Variants in TLK1 observed in about 807,000 individuals in gnomAD.
TLK1 encodes the protein tousled like kinase 1.
TLK1 carries 24 observed loss-of-function variants against 105.3 expected under a neutral mutation model. The ratio of observed to expected loss-of-function variants is 0.23; its 90% CI spans 0.17 to 0.32. The LOEUF is 0.32. TLK1 is among the 10% of genes least tolerant of loss of function. The probability of loss-of-function intolerance (pLI) is 1.00; values close to 1 mark genes in which losing one functional copy is unlikely to be tolerated. For missense variants in TLK1, 558 were observed against 910.5 expected, an observed-to-expected ratio of 0.61 and a Z score of 4.98; for synonymous variants, 321 against 310.4, an observed-to-expected ratio of 1.03 and a Z score of -0.36.
rs141926695 is a variant in TLK1 at position 171,058,166 on chromosome 2, A to T, written c.438T>A (p.Ile146=). ...ATGAACTTACTTCAAAATAGTCGCTAATTTTGTGGCCACGTCCCCCAATAC... is the reference window on the plus strand; with the variant it reads ...ATGAACTTACTTCAAAATAGTCGCTTATTTTGTGGCCACGTCCCCCAATAC... ...GKSIGGRGHK[I]SDYFEYQGGN... The change falls in exon 5 of 21, where the codon ATT becomes ATA. Residue 146 remains isoleucine (I), a synonymous_variant. Coordinates refer to ENST00000431350, the MANE Select transcript of TLK1 (RefSeq NM_012290.5). The T allele has an allele frequency of 6.2e-7, 1 of 1,613,472 alleles. No homozygotes were observed. Among genetic ancestry groups the T allele is most frequent in the African/African-American group, 1.3e-5 (1 of 74,890 alleles).
intron 1 of TLK1, among the ~76,000 whole-genome samples, chr2:171,202,306 G>C (rs1441276378): frequency 6.6e-6 from 1 of 152,030 alleles, no homozygotes; most frequent in Non-Finnish European, 1.5e-5. Context: ...TACAAAATTA[G>C]CCGGACGTGG....
chr2:171,209,424 TGTAA>T (rs1693568683), intron 1 of TLK1, among the ~76,000 whole-genome samples: 1 of 152,216 alleles, frequency 6.6e-6, no homozygotes. Flanking sequence ...AAATTTATAT[TGTAA>T]GTGTTTAAAT....
intron 1 of TLK1, among the ~76,000 whole-genome samples, chr2:171,136,826 G>A (rs576226429): frequency 3.9e-5 from 6 of 152,242 alleles, no homozygotes; most frequent in South Asian, 2.1e-4. Context: ...ATACAAGGAC[G>A]GGCAGCAGTG....
intron 12 of TLK1, among the ~76,000 whole-genome samples, chr2:171,026,664 T>C (rs1182897991): frequency 6.6e-6 from 1 of 152,082 alleles, no homozygotes; most frequent in African/African-American, 2.4e-5. Context: ...GGTTAGAAAA[T>C]AACTGGTAAA....
At chr2:171,163,035 G>A (rs1235815097), upstream of TLK1, among the ~76,000 whole-genome samples, 7 of 152,102 alleles carry the variant, frequency 4.6e-5, no homozygotes, top group African/African-American at 1.7e-4. Flanking sequence ...CAGGTGATCC[G>A]CCCACCTTGG....
intron 20 of TLK1, chr2:170,994,608 G>A (rs1325076117): frequency 8.2e-6 from 4 of 485,026 alleles, no homozygotes; most frequent in African/African-American, 2.0e-5. Context: ...TAAGTGCATA[G>A]CACAAAGTAA....
chr2:171,112,258 G>A (rs1429571689), intron 2 of TLK1, among the ~76,000 whole-genome samples: 2 of 152,034 alleles, frequency 1.3e-5, no homozygotes, highest in Non-Finnish European at 2.9e-5. Flanking sequence ...CCTGATAAAT[G>A]TTTTTTAAAT....
At chr2:171,187,317 C>T (rs927131465) in intron 1 of TLK1, among the ~76,000 whole-genome samples, 3 of 152,120 alleles carry the variant, frequency 2.0e-5, no homozygotes, top group African/African-American at 7.2e-5. Flanking sequence ...CGCTGGAATA[C>T]GTACACCTGA....
upstream of TLK1, chr2:171,161,004 G>A (rs965874669): frequency 2.9e-5 from 5 of 174,952 alleles, no homozygotes; most frequent in African/African-American, 1.2e-4. Context: ...GCGGCCGCGG[G>A]AGCAGGCTTG....
chr2:171,183,172 A>G (rs1444392072), intron 1 of TLK1, among the ~76,000 whole-genome samples: 2 of 152,206 alleles, frequency 1.3e-5, no homozygotes, highest in African/African-American at 4.8e-5. Flanking sequence ...TAATATATGT[A>G]CATTAATGAC....
intron 1 of TLK1, among the ~76,000 whole-genome samples, chr2:171,157,973 G>C (rs772785208): frequency 3.3e-5 from 5 of 152,092 alleles, no homozygotes; most frequent in Non-Finnish European, 7.4e-5. Flanking sequence ...GTAACTAGCA[G>C]TTAAAAAGCT....
intron 1 of TLK1, among the ~76,000 whole-genome samples, chr2:171,179,026 C>A (rs1692881802): frequency 6.6e-6 from 1 of 152,114 alleles, no homozygotes; most frequent in Non-Finnish European, 1.5e-5. Context: ...CTTTTTATAG[C>A]CTCATCTAAT....
intron 13 of TLK1, among the ~76,000 whole-genome samples, chr2:171,013,848 C>T (rs1225389453): frequency 6.6e-6 from 1 of 152,190 alleles, no homozygotes; most frequent in Middle Eastern, 3.2e-3. Context: ...AGAAACCTTT[C>T]CTCTCTTGTA....
At chr2:171,192,807 A>G (rs1693181171) in intron 1 of TLK1, among the ~76,000 whole-genome samples, 2 of 152,250 alleles carry the variant, frequency 1.3e-5, no homozygotes, top group Admixed American at 6.5e-5. Context: ...CCATCTGTAC[A>G]TGCTTCAAAT....
At chr2:171,206,676 A>G (rs1693513463) in intron 1 of TLK1, among the ~76,000 whole-genome samples, 1 of 152,244 alleles carries the variant, frequency 6.6e-6, no homozygotes, top group African/African-American at 2.4e-5. Flanking sequence ...GCTAGAAACT[A>G]AAATCTATGT....
At chr2:171,152,019 C>A (rs1181738983) in intron 1 of TLK1, among the ~76,000 whole-genome samples, 2 of 152,274 alleles carry the variant, frequency 1.3e-5, no homozygotes, top group Non-Finnish European at 2.9e-5. Flanking sequence ...CCCCTCTGAC[C>A]TTCACCAGAG....
chr2:171,042,691 G>A (rs1369925942), intron 11 of TLK1, among the ~76,000 whole-genome samples: 1 of 151,396 alleles, frequency 6.6e-6, no homozygotes, highest in African/African-American at 2.4e-5. Flanking sequence ...CCTAGTGTGA[G>A]AGGCAATAGG....
Position 171,160,638 on chromosome 2 carries a change from G to A in TLK1, c.-210C>T, listed in dbSNP as rs980063803. The A allele has an allele frequency of 1.4e-6, 1 of 709,412 alleles. No homozygotes were observed. The allele number at this position is 709,412 out of a possible 1,614,324, so 43.9% of individuals were successfully genotyped here. On this transcript the variant is annotated 5_prime_UTR_variant, in exon 1 of 21. Transcript: ENST00000431350. The surrounding 1 kb of genome is among the most constrained non-coding windows in gnomAD (Gnocchi z 4.4). Reference sequence around the variant, plus strand: ...GGGAAGGAGAGGGGACAGGGAGGAGGGAAAGGGGGAGAAGCGAGGGAGCGA... The same window carrying A: ...GGGAAGGAGAGGGGACAGGGAGGAGAGAAAGGGGGAGAAGCGAGGGAGCGA...
Position 171,160,533 on chromosome 2 carries a change from G to A in TLK1, c.-105C>T, listed in dbSNP as rs1692444175. ...CGGGGGCCGCGCTGAGGGCGAGCGA[G>A]AGAGCGAGGGCTGGGAGGGGAGAGT... On this transcript the variant is annotated 5_prime_UTR_variant, in exon 1 of 21. Transcript: ENST00000431350. The surrounding 1 kb of genome is among the most constrained non-coding windows in gnomAD (Gnocchi z 4.4). 3.2e-6 allele frequency: 5 copies of A among 1,549,122 alleles called. No homozygotes were observed. The highest frequency in any genetic ancestry group is 1.4e-5 in the African/African-American group (1 of 69,726).
Sources: allele counts gnomAD v4.1 joint callset (sites outside exome capture counted in the v4.1 genomes callset), GRCh38; gene constraint gnomAD v4.1.1; non-coding constraint Gnocchi (gnomAD v3.1); transcripts MANE v1.5; gene names NCBI Gene and HGNC (gene_info 2026-07-23, HGNC 2026-07-21).